The following NOSTRIN variants were observed in gnomAD, a reference collection of about 807,000 sequenced individuals.
NOSTRIN encodes nitric oxide synthase trafficking, also known as BM247 homolog.
Under a neutral mutation model 59.0 loss-of-function variants are expected in NOSTRIN, and 63 were observed. That is an observed-to-expected ratio of 1.07 (90% CI 0.87 to 1.32). The LOEUF (loss-of-function observed/expected upper bound fraction) is 1.32, where lower values mean the gene tolerates loss of function less well. Ranked by LOEUF, NOSTRIN falls within the 40% of genes most tolerant of loss-of-function variation. The probability of loss-of-function intolerance (pLI) is 0.00; values close to 1 mark genes in which losing one functional copy is unlikely to be tolerated. For synonymous variants in NOSTRIN, 200 were observed against 165.4 expected, an observed-to-expected ratio of 1.21 and a Z score of -1.61; for missense variants, 512 against 473.1, an observed-to-expected ratio of 1.08 and a Z score of -0.76.
chr2:168,827,952 G>T (rs940874010), intron 3 of NOSTRIN, among the ~76,000 whole-genome samples: 1 of 151,772 alleles, frequency 6.6e-6, no homozygotes, highest in Non-Finnish European at 1.5e-5. Context: ...AAAATAACTG[G>T]GAAAAAAGCA....
At chr2:168,840,485 G>A (rs550359269) in intron 7 of NOSTRIN, among the ~76,000 whole-genome samples, 129 of 141,584 alleles carry the variant, frequency 9.1e-4, no homozygotes, top group African/African-American at 3.0e-3. Flanking sequence ...AGCTGAGATC[G>A]TGCCACTGCA....
At chr2:168,819,324 A>T (rs113703870) in intron 2 of NOSTRIN, among the ~76,000 whole-genome samples, 113 of 152,308 alleles carry the variant, frequency 7.4e-4, no homozygotes, top group Non-Finnish European at 1.4e-3. Context: ...TCCTGAAAGG[A>T]TACATATACT....
chr2:168,848,379 T>C (rs1688552609), intron 8 of NOSTRIN, among the ~76,000 whole-genome samples: 1 of 152,172 alleles, frequency 6.6e-6, no homozygotes, highest in South Asian at 2.1e-4. Flanking sequence ...ATATGAAAAT[T>C]GGGCAGCTTC....
chr2:168,790,124 G>A (rs539714113), intron 2 of NOSTRIN, among the ~76,000 whole-genome samples: 2 of 152,204 alleles, frequency 1.3e-5, no homozygotes, highest in South Asian at 2.1e-4. Flanking sequence ...TCTTTGCCTC[G>A]TGTGTTGAAC....
intron 5 of NOSTRIN, among the ~76,000 whole-genome samples, chr2:168,830,192 C>T (rs1687285699): frequency 6.6e-6 from 1 of 152,156 alleles, no homozygotes. Flanking sequence ...ATATGATAGT[C>T]ATTAGCATTT....
intron 15 of NOSTRIN, among the ~76,000 whole-genome samples, chr2:168,864,165 A>G (rs535785453): frequency 6.6e-6 from 1 of 152,078 alleles, no homozygotes; most frequent in Non-Finnish European, 1.5e-5. Context: ...ACGGGGTTTC[A>G]CCATGTTGGC....
chr2:168,831,381 C>A, intron 5 of NOSTRIN, 91 bp from the exon 6 acceptor site: 2 of 728,616 alleles, frequency 2.7e-6, no homozygotes, highest in Non-Finnish European at 2.6e-6. Context: ...AGGTTTCAAT[C>A]GATACATTTT....
chr2:168,861,989 C>T lies in NOSTRIN; in HGVS notation c.1324C>T (p.Leu442Phe). ...TGGTGCAGCCCAGCTCAGCAGCAGA[C>T]TTTGCAAGGCCTTGTATTCTTTTCA... is the stretch of plus-strand genomic sequence containing the variant. The part of the protein sequence containing the change: ...APGAAQLSSR[L>F]CKALYSFQAR... Residue 442 changes from leucine (L) to phenylalanine (F), a missense_variant, in exon 15 of 16, where the codon CTT becomes TTT. Transcript: ENST00000317647. 1 of 1,614,176 alleles carries T rather than the reference C, an allele frequency of 6.2e-7. No individual in the cohort carries two copies. Among genetic ancestry groups the T allele is most frequent in the African/African-American group, 1.3e-5 (1 of 75,054 alleles).
At position 168,811,658 on chromosome 2, in the gene NOSTRIN, A is replaced by C. The variant is rs1321365647; in HGVS notation, c.113+6A>C. ...ACATCTGTTCTTCAGCAAAGGTACAAAATGCACGTTTGCAATAAATGGTTC... is the reference window on the plus strand; with the variant it reads ...ACATCTGTTCTTCAGCAAAGGTACACAATGCACGTTTGCAATAAATGGTTC... On this transcript the variant is annotated splice_donor_region_variant and intron_variant, in intron 2 of 15. Coordinates refer to ENST00000317647, the MANE Select transcript of NOSTRIN (RefSeq NM_001039724.4). 2 of 844,510 alleles carry C rather than the reference A, an allele frequency of 2.4e-6. No individual in the cohort carries two copies. The highest frequency in any genetic ancestry group is 4.1e-6 in the Non-Finnish European group (2 of 491,920). 52.3% of individuals were successfully genotyped at this position (844,510 alleles called of 1,614,324 possible). A position where few individuals can be genotyped will look rare whatever the true frequency, so the allele number is the denominator to read the frequency against.
In NOSTRIN at chr2:168,860,919, T is replaced by C. The variant is rs761228389; in HGVS notation, c.1294+10T>C. On this transcript the variant is annotated intron_variant, in intron 14 of 15. Coordinates refer to ENST00000317647, the MANE Select transcript of NOSTRIN (RefSeq NM_001039724.4). ...GGTTCTTCAACTCCAGGTAATCCCATGCCCACAATCATTTTGGCCTGGGTC... is the reference window on the plus strand; with the variant it reads ...GGTTCTTCAACTCCAGGTAATCCCACGCCCACAATCATTTTGGCCTGGGTC... The C allele has an allele frequency of 2.5e-6, 4 of 1,579,810 alleles. No individual in the cohort carries two copies. Among genetic ancestry groups the C allele is most frequent in the Non-Finnish European group, 3.5e-6 (4 of 1,149,052 alleles).
At position 168,864,883 on chromosome 2, in the gene NOSTRIN, A is replaced by C. The variant is rs1689762365; in HGVS notation, c.1434A>C (p.Gly478=). The C allele has an allele frequency of 1.9e-6, 3 of 1,613,996 alleles. No homozygotes were observed. The South Asian group carries it at 3.3e-5, about 18-fold the overall frequency. ...AAAAAGAAGGAGGATGGTGGTTTGG[A>C]TCTTTGAATGGGAAAAAAGGCCATT... ...HEKKEGGWWF[G]SLNGKKGHFP... Residue 478 remains glycine (G), a synonymous_variant, in exon 16 of 16, where the codon GGA becomes GGC. Transcript: ENST00000317647.
intron 15 of NOSTRIN, among the ~76,000 whole-genome samples, chr2:168,862,837 A>G (rs998698152): frequency 1.1e-4 from 17 of 152,234 alleles, no homozygotes; most frequent in Non-Finnish European, 1.8e-4. Context: ...TTAGTGAGAA[A>G]GAGTAACGTT....
chr2:168,789,389 G>A (rs113235305), intron 2 of NOSTRIN, among the ~76,000 whole-genome samples: 1 of 152,204 alleles, frequency 6.6e-6, no homozygotes, highest in African/African-American at 2.4e-5. Flanking sequence ...CATATCTTAC[G>A]TGGCTGCAGG....
rs777336156 is a variant in NOSTRIN, at chr2:168,859,651, A to G, written c.1179+14A>G. 9.9e-6 allele frequency: 16 copies of G among 1,610,872 alleles called. No individual in the cohort carries two copies. The East Asian group carries it at 1.3e-4, about 13-fold the overall frequency. On this transcript the variant is annotated intron_variant, in intron 13 of 15. Transcript: ENST00000317647. Reference sequence around the variant, plus strand: ...TGGAGGGAAAAGGTAACATTTAAGGAGACTGGTTGTAATTTCTTGATTGGG... The same window carrying G: ...TGGAGGGAAAAGGTAACATTTAAGGGGACTGGTTGTAATTTCTTGATTGGG...
intron 2 of NOSTRIN, chr2:168,811,899 A>G: frequency 3.1e-6 from 1 of 324,130 alleles, no homozygotes; most frequent in Non-Finnish European, 5.6e-6. Context: ...GATTCCTCAG[A>G]CTGGGTTTAT....
Position 168,820,683 on chromosome 2 carries a change from C to T in NOSTRIN, c.114-3951C>T, listed in dbSNP as rs547980423. 2.9e-5 allele frequency among the ~76,000 whole-genome samples: 4 copies of T among 140,238 alleles called. No homozygotes were observed. The East Asian group carries it at 6.4e-4, about 22-fold the overall frequency. 92.0% of individuals were successfully genotyped at this position (140,238 alleles called of 152,430 possible). ...TTTCCTACCATGCTCAAGAGAAAGC[C>T]GGCAGAAACACTGGGGCACAGGAGA... On this transcript the variant is annotated intron_variant, in intron 2 of 15. Transcript: ENST00000317647.
At chr2:168,849,569 T>C (rs2140046) in intron 8 of NOSTRIN, among the ~76,000 whole-genome samples, 61,884 of 150,652 alleles carry the variant, frequency 0.41, 13,479 homozygotes, top group African/African-American at 0.56. Flanking sequence ...TTGGGCAGGC[T>C]GGCCTTGAAC....
At chr2:168,789,228 CTTAAAA>C (rs1017207055) in intron 2 of NOSTRIN, among the ~76,000 whole-genome samples, 76 of 152,272 alleles carry the variant, frequency 5.0e-4, no homozygotes, top group African/African-American at 1.8e-3. Flanking sequence ...TATTTTGTGC[CTTAAAA>C]TTAATAAGCT....
At chr2:168,807,760 C>T (rs1314110071) in intron 1 of NOSTRIN, among the ~76,000 whole-genome samples, 1 of 152,188 alleles carries the variant, frequency 6.6e-6, no homozygotes, top group Non-Finnish European at 1.5e-5. Flanking sequence ...CCAGTTCCCT[C>T]TTCCTGGAAC....
Sources: gnomAD v4.1 joint callset for allele counts (sites outside exome capture counted in the v4.1 genomes callset) on GRCh38, gnomAD v4.1.1 for gene constraint, MANE v1.5 for transcripts, NCBI Gene and HGNC (gene_info 2026-07-23, HGNC 2026-07-21) for gene names.